The following RACGAP1 variants were observed in gnomAD, a reference collection of about 807,000 sequenced individuals.
The protein encoded by RACGAP1 is rac GTPase-activating protein 1.
In RACGAP1, 30 loss-of-function variants were observed where a neutral mutation model predicts 78.1. That is an observed-to-expected ratio of 0.38 (90% CI 0.29 to 0.52). RACGAP1 has a LOEUF of 0.52. Ranked by LOEUF, RACGAP1 falls within the 20% of genes least tolerant of loss-of-function variation. The pLI is 0.82. For synonymous variants in RACGAP1, 231 were observed against 264.8 expected (o/e 0.87, Z 1.24); for missense variants, 587 against 777.1 (o/e 0.76, Z 2.91).
Position 49,990,699 on chromosome 12 carries a change from G to C in RACGAP1, c.1808C>G (p.Thr603Ser), listed in dbSNP as rs758372712. The C allele has an allele frequency of 6.2e-7, 1 of 1,612,300 alleles. No homozygotes were observed. The highest frequency in any genetic ancestry group is 1.3e-5 in the African/African-American group (1 of 74,872). The change falls in exon 16 of 17, where the codon ACC becomes AGC. Residue 603 changes from threonine to serine, a missense_variant. By Grantham distance (58) the Thr-to-Ser change is moderately conservative (BLOSUM62 1). Coordinates refer to ENST00000312377, the MANE Select transcript of RACGAP1 (RefSeq NM_001319999.2). ...SLSQRVRSTLTKNTPRFGSKS... is the reference protein window; with the variant it reads ...SLSQRVRSTLSKNTPRFGSKS... The stretch of plus-strand genomic sequence containing the variant: ...TTCTGCATACCTAGGAGTGTTCTTG[G>C]TGAGGGTGGAACGGACTCTCTGTGA...
intron 2 of RACGAP1, 131 bp downstream of exon 2, chr12:50,016,500 G>A: frequency 1.1e-6 from 1 of 933,360 alleles, no homozygotes; most frequent in African/African-American, 1.6e-5. Flanking sequence ...GACCACGTAA[G>A]TGATCACTGC....
At chr12:50,025,006 T>A (rs572467624) in intron 1 of RACGAP1, among the ~76,000 whole-genome samples, 1 of 151,904 alleles carries the variant, frequency 6.6e-6, no homozygotes, top group Non-Finnish European at 1.5e-5. Flanking sequence ...GGGGCTCCAC[T>A]GCAGGCCGCC....
At chr12:50,001,067 T>G (rs1948644669) in intron 7 of RACGAP1, 105 bp downstream of exon 7, 4 of 957,820 alleles carry the variant, frequency 4.2e-6, no homozygotes, top group Non-Finnish European at 6.1e-6. Flanking sequence ...AACAAAAACT[T>G]TAACTAAACA....
intron 6 of RACGAP1, 67 bp downstream of exon 6, chr12:50,002,180 G>A (rs1948723754): frequency 1.4e-6 from 2 of 1,400,534 alleles, no homozygotes; most frequent in South Asian, 1.2e-5. Flanking sequence ...CAGTATCATG[G>A]CAAAATTTCC....
At chr12:50,024,659 A>AT (rs1056045688) in intron 1 of RACGAP1, among the ~76,000 whole-genome samples, 1 of 152,092 alleles carries the variant, frequency 6.6e-6, no homozygotes, top group Admixed American at 6.6e-5. Context: ...ATATACAAAA[A>AT]TTTTTTTAAG....
chr12:50,025,622 CA>C, upstream of RACGAP1: 1 of 882,226 alleles, frequency 1.1e-6, no homozygotes, highest in East Asian at 1.2e-4. Context: ...AAAGCGAAGC[CA>C]AAGGTGGCCA....
chr12:49,997,963 C>T (rs1291234710), intron 9 of RACGAP1, among the ~76,000 whole-genome samples: 2 of 152,308 alleles, frequency 1.3e-5, no homozygotes, highest in Non-Finnish European at 2.9e-5. Context: ...GTAATTCTCA[C>T]AGTAATCCCA....
upstream of RACGAP1, among the ~76,000 whole-genome samples, chr12:50,029,013 C>T (rs928023139): frequency 2.0e-5 from 3 of 152,042 alleles, no homozygotes; most frequent in African/African-American, 4.8e-5. Context: ...GTCAAGAGAT[C>T]GAGACCATCT....
At chr12:50,031,622 C>T in intron 2 of RACGAP1, 2 of 942,680 alleles carry the variant, frequency 2.1e-6, no homozygotes, top group Non-Finnish European at 2.5e-6. Context: ...GGGCCTTCAA[C>T]CTTCCCTGTG....
chr12:50,000,018 A>ACTTTTTTTTTTT (rs1948563708), intron 7 of RACGAP1, among the ~76,000 whole-genome samples: 1 of 99,642 alleles, frequency 1.0e-5, no homozygotes, highest in Non-Finnish European at 1.9e-5. Flanking sequence ...CACCTGACTG[A>ACTTTTTTTTTTT]TTTTTTTTTT....
rs765889734 is a variant in RACGAP1 at position 49,997,093 on chromosome 12, A to C, written c.991T>G (p.Cys331Gly). ...VVSHPECRDR[C>G]PLPCIPTLIG... is the part of the protein sequence containing the mutation. ...AGGGTAGGAATGCAGGGAAGGGGAC[A>C]GCGGTCCCGACATTCTGGATGAGAG... The change falls in exon 10 of 17, where the codon TGT (cysteine) becomes GGT (glycine). Residue 331 changes from cysteine to glycine, a missense_variant. Coordinates refer to ENST00000312377, the MANE Select transcript of RACGAP1 (RefSeq NM_001319999.2). 23 of 1,606,628 alleles carry C rather than the reference A, an allele frequency of 1.4e-5. No individual in the cohort carries two copies. In the South Asian group the frequency reaches 2.5e-4, roughly 18 times the overall value.
chr12:49,991,691 G>A (rs1399931490), intron 15 of RACGAP1, among the ~76,000 whole-genome samples: 1 of 150,844 alleles, frequency 6.6e-6, no homozygotes, highest in African/African-American at 2.4e-5. Flanking sequence ...GTTTCACCAT[G>A]TTGGCCAGAA....
chr12:50,016,521 G>T (rs1022502858), intron 2 of RACGAP1, 110 bp downstream of exon 2: 1 of 1,167,346 alleles, frequency 8.6e-7, no homozygotes. Context: ...TTTCTTTTTA[G>T]GTAACCCAAA....
intron 15 of RACGAP1, among the ~76,000 whole-genome samples, chr12:49,991,475 A>ATT (rs1380685369): frequency 5.0e-4 from 17 of 33,910 alleles, no homozygotes; most frequent in African/African-American, 1.5e-3. Flanking sequence ...ATATATATAT[A>ATT]TATATTTTTT....
intron 3 of RACGAP1, 74 bp downstream of exon 3, chr12:50,006,360 G>A (rs762598868): frequency 3.4e-5 from 51 of 1,512,256 alleles, no homozygotes; most frequent in Non-Finnish European, 4.5e-5. Context: ...GGTATATTTG[G>A]CAAGTGGAAA....
intron 16 of RACGAP1, 40 bp downstream of exon 16, chr12:49,990,644 T>A (rs774785269): frequency 2.8e-6 from 4 of 1,442,390 alleles, no homozygotes; most frequent in Non-Finnish European, 3.9e-6. Flanking sequence ...TCTAAGAAAG[T>A]AGTTGTTTTT....
intron 2 of RACGAP1, among the ~76,000 whole-genome samples, chr12:50,014,692 G>C (rs1283058092): frequency 6.6e-6 from 1 of 152,096 alleles, no homozygotes; most frequent in Non-Finnish European, 1.5e-5. Flanking sequence ...AGGTAGCTGG[G>C]ATCACAGGAG....
intron 2 of RACGAP1, among the ~76,000 whole-genome samples, chr12:50,009,605 G>A (rs1949186247): frequency 1.3e-5 from 2 of 152,086 alleles, no homozygotes; most frequent in Non-Finnish European, 2.9e-5. Context: ...AACCTGCCTA[G>A]CACACAGTAG....
chr12:50,024,245 G>A (rs1367026250), intron 1 of RACGAP1, among the ~76,000 whole-genome samples: 1 of 152,154 alleles, frequency 6.6e-6, no homozygotes, highest in Non-Finnish European at 1.5e-5. Context: ...CAAAGATACG[G>A]TATCAACCTA....
Sources: gnomAD v4.1 joint callset for allele counts (sites outside exome capture counted in the v4.1 genomes callset) on GRCh38, gnomAD v4.1.1 for gene constraint, MANE v1.5 for transcripts, NCBI Gene and HGNC (gene_info 2026-07-23, HGNC 2026-07-21) for gene names.